The following OTUD7A variants were observed in gnomAD, a reference collection of about 807,000 sequenced individuals.
The protein encoded by OTUD7A is OTU deubiquitinase 7A.
Under a neutral mutation model 65.7 loss-of-function variants are expected in OTUD7A, and 12 were observed. The ratio of observed to expected loss-of-function variants is 0.18; its 90% confidence interval spans 0.12 to 0.30. The LOEUF (loss-of-function observed/expected upper bound fraction) is 0.30. Ranked by LOEUF, OTUD7A falls within the 10% of genes least tolerant of loss-of-function variation. OTUD7A has a pLI of 1.00. For missense variants in OTUD7A, 1,148 were observed against 1,304.8 expected, an observed-to-expected ratio of 0.88 and a Z score of 1.85; for synonymous variants, 641 against 586.3, an observed-to-expected ratio of 1.09 and a Z score of -1.35.
At chr15:31,734,194 C>T (rs1356351856) in intron 1 of OTUD7A, among the ~76,000 whole-genome samples, 1 of 152,066 alleles carries the variant, frequency 6.6e-6, no homozygotes, top group Non-Finnish European at 1.5e-5. Context: ...ATACAGCTAA[C>T]CAGGGAGGTT....
chr15:31,517,266 T>C (rs187666012), intron 8 of OTUD7A, among the ~76,000 whole-genome samples: 1 of 152,300 alleles, frequency 6.6e-6, no homozygotes, highest in East Asian at 1.9e-4. Flanking sequence ...CCAATTTAGC[T>C]GGGGGCTCTA....
At chr15:31,802,350 C>T (rs1056965147) in intron 1 of OTUD7A, among the ~76,000 whole-genome samples, 1 of 152,020 alleles carries the variant, frequency 6.6e-6, no homozygotes, top group Admixed American at 6.6e-5. Context: ...CTCCTTTTCA[C>T]GTTTTTCTGC....
chr15:31,669,876 C>T (rs1446339296), intron 1 of OTUD7A, among the ~76,000 whole-genome samples: 1 of 150,948 alleles, frequency 6.6e-6, no homozygotes, highest in East Asian at 1.9e-4. Context: ...TGACTCAGCT[C>T]CAGTTAAGGT....
At chr15:31,729,621 G>T (rs1047266605) in intron 1 of OTUD7A, among the ~76,000 whole-genome samples, 1 of 152,098 alleles carries the variant, frequency 6.6e-6, no homozygotes, top group African/African-American at 2.4e-5. Flanking sequence ...CTAAAATTGG[G>T]TATTATTTTC....
chr15:31,746,788 G>T (rs976251709), intron 1 of OTUD7A, among the ~76,000 whole-genome samples: 2 of 152,156 alleles, frequency 1.3e-5, no homozygotes, highest in Non-Finnish European at 2.9e-5. Context: ...GAGCCACCAG[G>T]CCCGGCCTAC....
chr15:31,524,261 G>GCATCA (rs2041979707), intron 8 of OTUD7A, among the ~76,000 whole-genome samples: 1 of 152,182 alleles, frequency 6.6e-6, no homozygotes, highest in Non-Finnish European at 1.5e-5. Flanking sequence ...GTGGGGACCA[G>GCATCA]GTGGCTGTGT....
intron 1 of OTUD7A, among the ~76,000 whole-genome samples, chr15:31,794,331 C>T (rs1895894125): frequency 6.6e-6 from 1 of 152,174 alleles, no homozygotes; most frequent in African/African-American, 2.4e-5. Context: ...GCCTTAATAT[C>T]TGTCAAAGTT....
At chr15:31,549,762 C>G (rs536701022) in intron 5 of OTUD7A, among the ~76,000 whole-genome samples, 1 of 152,248 alleles carries the variant, frequency 6.6e-6, no homozygotes, top group African/African-American at 2.4e-5. Flanking sequence ...CCATGCCAAA[C>G]AGTAAACAAC....
intron 1 of OTUD7A, among the ~76,000 whole-genome samples, chr15:31,808,140 C>CAA (rs60807520): frequency 0.064 from 8,953 of 140,038 alleles, 447 homozygotes; most frequent in Non-Finnish European, 0.079. Context: ...CACACACAAA[C>CAA]AAATCCTCAC....
intron 10 of OTUD7A, 95 bp downstream of exon 10, chr15:31,501,595 C>T (rs2041465891): frequency 1.3e-6 from 2 of 1,518,758 alleles, no homozygotes; most frequent in African/African-American, 1.4e-5. Flanking sequence ...AAGGGGGGGT[C>T]TCCACAATCC....
chr15:31,778,633 G>A (rs1396757787), intron 1 of OTUD7A, among the ~76,000 whole-genome samples: 1 of 152,090 alleles, frequency 6.6e-6, no homozygotes, highest in Non-Finnish European at 1.5e-5. Context: ...GTGTGGATTC[G>A]TGGAGTGCCT....
At position 31,479,558 on chromosome 15, in the gene OTUD7A, C is replaced by T. The variant is rs2041082555; in HGVS notation, c.*3736G>A. The T allele has an allele frequency of 1.3e-5, 2 of 151,764 alleles. No individual in the cohort carries two copies. Among genetic ancestry groups the T allele is most frequent in the Non-Finnish European group, 2.9e-5 (2 of 68,004 alleles). 9.4% of individuals were successfully genotyped at this position (151,764 alleles called of 1,614,324 possible). On this transcript the variant is annotated 3_prime_UTR_variant, in exon 13 of 13. Coordinates refer to ENST00000307050, the MANE Select transcript of OTUD7A (RefSeq NM_001382637.1). Reference sequence around the variant, plus strand: ...TGTTTTTTCTTGTACAAATTTCCCACCACTGATAAGTACAGCCCTTTTATC... The same window carrying T: ...TGTTTTTTCTTGTACAAATTTCCCATCACTGATAAGTACAGCCCTTTTATC...
chr15:31,739,187 T>C (rs1056692884), intron 1 of OTUD7A, among the ~76,000 whole-genome samples: 2 of 152,184 alleles, frequency 1.3e-5, no homozygotes, highest in African/African-American at 4.8e-5. Context: ...AAAACTCTCA[T>C]AGTACTGAGT....
intron 1 of OTUD7A, among the ~76,000 whole-genome samples, chr15:31,836,589 C>T (rs1220317393): frequency 6.6e-6 from 1 of 152,086 alleles, no homozygotes; most frequent in African/African-American, 2.4e-5. Flanking sequence ...ACACAACAAA[C>T]CTCCACAAAA....
intron 1 of OTUD7A, among the ~76,000 whole-genome samples, chr15:31,850,753 A>AAG (rs1897404925): frequency 6.6e-6 from 1 of 152,152 alleles, no homozygotes; most frequent in Non-Finnish European, 1.5e-5. Flanking sequence ...GAGCCACTTA[A>AAG]GGCTCCAAAA....
chr15:31,775,031 C>T (rs1002043904), intron 1 of OTUD7A, among the ~76,000 whole-genome samples: 1 of 151,454 alleles, frequency 6.6e-6, no homozygotes, highest in Admixed American at 6.6e-5. Context: ...CATCCAAACA[C>T]ATTATCCTCT....
In OTUD7A at chr15:31,479,661, T is replaced by TTG. The variant is rs367972693; in HGVS notation, c.*3632_*3633insCA. The TTG allele has an allele frequency of 1.4e-5, 1 of 71,454 alleles. No homozygotes were observed. Among genetic ancestry groups the TTG allele is most frequent in the South Asian group, 4.7e-4 (1 of 2,146 alleles). 4.4% of individuals were successfully genotyped at this position (71,454 alleles called of 1,614,324 possible). A position where few individuals can be genotyped will look rare whatever the true frequency, so the allele number is the denominator to read the frequency against. Reference sequence around the variant, plus strand: ...GCAAAATAAGTTTGTGGACACTAAGTGGGGGGGGGGGGTGATGGGCCCATG... The same window carrying TTG: ...GCAAAATAAGTTTGTGGACACTAAGTTGGGGGGGGGGGGGTGATGGGCCCATG... On this transcript the variant is annotated 3_prime_UTR_variant, in exon 13 of 13. Transcript: ENST00000307050.
chr15:31,614,217 G>A (rs1890517641), intron 3 of OTUD7A, among the ~76,000 whole-genome samples: 1 of 152,048 alleles, frequency 6.6e-6, no homozygotes, highest in South Asian at 2.1e-4. Flanking sequence ...CTCAGGTGAT[G>A]GGTGCACCAA....
chr15:31,714,288 C>T (rs184776901), intron 1 of OTUD7A, among the ~76,000 whole-genome samples: 5 of 152,268 alleles, frequency 3.3e-5, no homozygotes, highest in Admixed American at 2.0e-4. Flanking sequence ...ACAAATAGTA[C>T]ATGAATAGCG....
Sources: gnomAD v4.1 joint callset for allele counts (sites outside exome capture counted in the v4.1 genomes callset) on GRCh38, gnomAD v4.1.1 for gene constraint, MANE v1.5 for transcripts, NCBI Gene and HGNC (gene_info 2026-07-23, HGNC 2026-07-21) for gene names.